Variants in LRMDA observed in about 807,000 individuals in gnomAD.
LRMDA encodes leucine-rich melanocyte differentiation-associated protein.
Under a neutral mutation model 29.8 loss-of-function variants are expected in LRMDA, and 18 were observed. The ratio of observed to expected loss-of-function variants is 0.60; its 90% CI spans 0.42 to 0.90. The LOEUF (loss-of-function observed/expected upper bound fraction) is 0.90, where lower values mean the gene tolerates loss of function less well. LRMDA is among the 40% of genes least tolerant of loss of function. The pLI is 0.00. For missense variants in LRMDA, 273 were observed against 273.9 expected (o/e 1.00, Z 0.02); for synonymous variants, 125 against 109.4 (o/e 1.14, Z -0.89).
intron 2 of LRMDA, among the ~76,000 whole-genome samples, chr10:75,616,193 GATTTT>G (rs1265313677): frequency 6.6e-6 from 1 of 151,452 alleles, no homozygotes; most frequent in Non-Finnish European, 1.5e-5. Context: ...AAAATCATCA[GATTTT>G]ATGAGACTTA....
intron 2 of LRMDA, among the ~76,000 whole-genome samples, chr10:75,956,914 C>T (rs1307705004): frequency 1.3e-5 from 2 of 152,202 alleles, no homozygotes; most frequent in African/African-American, 2.4e-5. Flanking sequence ...GACTTTTCCC[C>T]ATGAAGAAGT....
At chr10:76,374,794 G>A (rs1158435926) in intron 6 of LRMDA, among the ~76,000 whole-genome samples, 1 of 152,094 alleles carries the variant, frequency 6.6e-6, no homozygotes, top group African/African-American at 2.4e-5. Flanking sequence ...TGTTAGATTT[G>A]AACAACAACT....
intron 2 of LRMDA, among the ~76,000 whole-genome samples, chr10:75,686,606 A>G (rs1418120552): frequency 6.6e-6 from 1 of 152,130 alleles, no homozygotes; most frequent in South Asian, 2.1e-4. Context: ...TAACCCTTAT[A>G]TTTACTTTCT....
intron 2 of LRMDA, among the ~76,000 whole-genome samples, chr10:76,011,291 A>G (rs1847773402): frequency 6.6e-6 from 1 of 152,234 alleles, no homozygotes. Flanking sequence ...ACAGCCAGTC[A>G]GGAAAGGGGT....
At chr10:76,049,443 T>G (rs931497168) in intron 4 of LRMDA, among the ~76,000 whole-genome samples, 5 of 152,230 alleles carry the variant, frequency 3.3e-5, no homozygotes, top group Admixed American at 1.3e-4. Context: ...TCCCATGTAG[T>G]TACACATTCA....
chr10:76,254,340 C>CATACCATACCATACCATCCT (rs759692334), intron 5 of LRMDA, among the ~76,000 whole-genome samples: 6 of 90,196 alleles, frequency 6.7e-5, no homozygotes, highest in African/African-American at 2.0e-4. Context: ...CATACCATAC[C>CATACCATACCATACCATCCT]ATCCTATCCT....
At chr10:76,393,386 T>G (rs975932541) in intron 6 of LRMDA, among the ~76,000 whole-genome samples, 2 of 152,258 alleles carry the variant, frequency 1.3e-5, no homozygotes, top group Admixed American at 1.3e-4. Flanking sequence ...ATATCTCATT[T>G]TGGTTTTAAT....
intron 2 of LRMDA, among the ~76,000 whole-genome samples, chr10:75,840,382 A>G (rs754708513): frequency 7.9e-5 from 12 of 152,230 alleles, no homozygotes; most frequent in Non-Finnish European, 1.8e-4. Flanking sequence ...TCTGAAAAGC[A>G]TCCTACAATT....
intron 2 of LRMDA, among the ~76,000 whole-genome samples, chr10:75,948,737 AG>A (rs1243557538): frequency 6.6e-6 from 1 of 152,076 alleles, no homozygotes; most frequent in Non-Finnish European, 1.5e-5. Context: ...TCTGAGTGAT[AG>A]GCCTGGATTT....
intron 5 of LRMDA, among the ~76,000 whole-genome samples, chr10:76,284,848 A>C (rs1383805223): frequency 1.3e-5 from 2 of 152,148 alleles, no homozygotes; most frequent in Admixed American, 1.3e-4. Flanking sequence ...TCCCCTGCAC[A>C]TGCTTTCTTG....
intron 2 of LRMDA, among the ~76,000 whole-genome samples, chr10:75,866,864 G>A (rs1314627092): frequency 1.3e-5 from 2 of 152,204 alleles, no homozygotes; most frequent in Non-Finnish European, 1.5e-5. Flanking sequence ...TTTGCTGGTC[G>A]TGTCAAGAGC....
At chr10:76,182,332 C>T (rs138088572) in intron 5 of LRMDA, among the ~76,000 whole-genome samples, 42 of 152,318 alleles carry the variant, frequency 2.8e-4, no homozygotes, top group Middle Eastern at 3.4e-3. Flanking sequence ...CTCCCATGAT[C>T]CAATCACCTC....
intron 2 of LRMDA, among the ~76,000 whole-genome samples, chr10:75,810,853 A>C (rs934560563): frequency 2.7e-4 from 41 of 152,242 alleles, no homozygotes; most frequent in African/African-American, 9.4e-4. Context: ...TGCTGTATAG[A>C]CACCTTATCA....
intron 2 of LRMDA, among the ~76,000 whole-genome samples, chr10:75,886,971 A>G (rs1260754561): frequency 6.6e-6 from 1 of 152,132 alleles, no homozygotes; most frequent in Admixed American, 6.6e-5. Flanking sequence ...ATAACATCCA[A>G]GGTGTGTCTC....
At chr10:76,356,278 A>C (rs923045357) in intron 6 of LRMDA, among the ~76,000 whole-genome samples, 3 of 152,218 alleles carry the variant, frequency 2.0e-5, no homozygotes, top group Non-Finnish European at 4.4e-5. Flanking sequence ...GAACGCTAGT[A>C]AATGCTAGAA....
chr10:75,696,998 C>T (rs1441712838), intron 2 of LRMDA, among the ~76,000 whole-genome samples: 2 of 152,150 alleles, frequency 1.3e-5, no homozygotes, highest in African/African-American at 4.8e-5. Flanking sequence ...ATATCATTTT[C>T]CTGCAGATTC....
intron 2 of LRMDA, among the ~76,000 whole-genome samples, chr10:75,598,390 AAG>A (rs1840828893): frequency 1.3e-5 from 2 of 152,162 alleles, no homozygotes; most frequent in African/African-American, 4.8e-5. Flanking sequence ...TAGCCTAAAA[AAG>A]AGAGTCGTCG....
chr10:76,090,115 G>T (rs566581423), intron 5 of LRMDA, among the ~76,000 whole-genome samples: 1 of 152,244 alleles, frequency 6.6e-6, no homozygotes, highest in African/African-American at 2.4e-5. Flanking sequence ...AGTGGAGTGT[G>T]GGCTACTGTT....
intron 5 of LRMDA, among the ~76,000 whole-genome samples, chr10:76,104,601 G>A (rs1384505371): frequency 6.6e-6 from 1 of 152,102 alleles, no homozygotes; most frequent in African/African-American, 2.4e-5. Flanking sequence ...TATCTGCTCT[G>A]GGTAGCTCTG....
Sources: gnomAD v4.1 joint callset for allele counts (sites outside exome capture counted in the v4.1 genomes callset) on GRCh38, gnomAD v4.1.1 for gene constraint, MANE v1.5 for transcripts, NCBI Gene and HGNC (gene_info 2026-07-23, HGNC 2026-07-21) for gene names.